The following CPM variants were observed in gnomAD, a reference collection of about 807,000 sequenced individuals.
CPM encodes the protein renal carboxypeptidase.
In CPM, 35 loss-of-function variants were observed where a neutral mutation model predicts 46.4. The observed-to-expected ratio is 0.75, with a 90% confidence interval of 0.58 to 1.00. The LOEUF is 1.00. Ranked by LOEUF, CPM falls within the 50% of genes least tolerant of loss-of-function variation. The pLI is 0.00. For synonymous variants in CPM, 195 were observed against 195.3 expected, an observed-to-expected ratio of 1.00 and a Z score of 0.01; for missense variants, 422 against 530.4, an observed-to-expected ratio of 0.80 and a Z score of 2.01.
At chr12:68,875,959 T>A (rs1885936542) in intron 3 of CPM, among the ~76,000 whole-genome samples, 1 of 152,162 alleles carries the variant, frequency 6.6e-6, no homozygotes, top group South Asian at 2.1e-4. Flanking sequence ...AGACATTTTA[T>A]TTTATATTCT....
chr12:68,933,051 C>A, intron 1 of CPM, 91 bp downstream of exon 1: 2 of 479,940 alleles, frequency 4.2e-6, no homozygotes, highest in Non-Finnish European at 7.4e-6. Context: ...TCGACCCAGC[C>A]GCCCGCGCCT....
chr12:68,847,448 C>CTT (rs1461223164), downstream of CPM: 4 of 66,772 alleles, frequency 6.0e-5, no homozygotes, highest in Non-Finnish European at 8.6e-5. Flanking sequence ...TTTGTATCTC[C>CTT]TTTCTTTTTT....
chr12:68,842,596 A>G (rs1209827165), intron 5 of CPM: 6 of 305,170 alleles, frequency 2.0e-5, no homozygotes, highest in Non-Finnish European at 3.2e-5. Context: ...GTTTGTAAAT[A>G]CAGAAGTGAA....
chr12:68,895,643 A>G (rs1266410306), intron 2 of CPM, among the ~76,000 whole-genome samples: 1 of 152,190 alleles, frequency 6.6e-6, no homozygotes, highest in Non-Finnish European at 1.5e-5. Flanking sequence ...TCCCAGAACC[A>G]TAAAATTTTG....
Position 68,870,264 on chromosome 12 carries a change from G to A in CPM, c.567C>T (p.Leu189=), listed in dbSNP as rs1010741458. 5.6e-6 allele frequency: 9 copies of A among 1,614,194 alleles called. No homozygotes were observed. The highest frequency in any genetic ancestry group is 7.6e-6 in the Non-Finnish European group (9 of 1,180,026). Residue 189 remains leucine, a synonymous_variant, in exon 5 of 9, where the codon CTC becomes CTT. Coordinates refer to ENST00000551568, the MANE Select transcript of CPM (RefSeq NM_198320.5). ...KTETFVLSAN[L]HGGALVASYP... is the part of the protein sequence containing the mutation. ...AACTGGCCACGAGGGCACCACCATG[G>A]AGGTTTGCAGAGAGGACAAACGTCT...
chr12:68,870,433 T>C (rs369332131), intron 4 of CPM, 34 bp from the exon 5 acceptor site: 20 of 1,583,166 alleles, frequency 1.3e-5, no homozygotes, highest in Non-Finnish European at 1.6e-5. Flanking sequence ...GGCTTATTGA[T>C]AGGGCATGAG....
intron 2 of CPM, 85 bp from the exon 3 acceptor site, chr12:68,885,974 G>C: frequency 8.9e-7 from 1 of 1,126,588 alleles, no homozygotes; most frequent in East Asian, 2.4e-5. Context: ...GAAACAGGAT[G>C]CTGCTTCCCC....
chr12:68,853,743 G>A lies in CPM; in HGVS notation c.*2694C>T. 6.6e-6 allele frequency: 1 copy of A among 151,926 alleles called. No individual in the cohort carries two copies. Among genetic ancestry groups the A allele is most frequent in the African/African-American group, 2.4e-5 (1 of 41,380 alleles). 9.4% of individuals were successfully genotyped at this position (151,926 alleles called of 1,614,324 possible). On this transcript the variant is annotated 3_prime_UTR_variant, in exon 9 of 9. Coordinates refer to ENST00000551568, the MANE Select transcript of CPM (RefSeq NM_198320.5). Reference sequence around the variant, plus strand: ...AAAAAAGAGAAAGAAGGATGGGAAGGGGAGGGAAGGGGAGGGGAGCGGAGG... The same window carrying A: ...AAAAAAGAGAAAGAAGGATGGGAAGAGGAGGGAAGGGGAGGGGAGCGGAGG...
rs762786001 is a variant in CPM at position 68,885,798 on chromosome 12, T to G, written c.252A>C (p.Gly84=). ...ATTCAAGCCACATACGTACCTCATC[T>G]CCATGCATATTTGCCACGTATTTGA... is the stretch of plus-strand genomic sequence containing the variant. ...PEFKYVANMH[G]DETVGRELLL... The change falls in exon 3 of 9, where the codon GGA becomes GGC. Residue 84 remains glycine, a synonymous_variant. Transcript: ENST00000551568. 27 of 1,613,474 alleles carry G rather than the reference T, an allele frequency of 1.7e-5. No homozygotes were observed. The highest frequency in any genetic ancestry group is 1.0e-4 in the Admixed American group (6 of 59,986).
At chr12:68,894,549 T>C (rs1592669897) in intron 2 of CPM, among the ~76,000 whole-genome samples, 2 of 152,244 alleles carry the variant, frequency 1.3e-5, no homozygotes, top group East Asian at 1.9e-4. Context: ...CTTATTTACA[T>C]TGTTTTAGCT....
intron 2 of CPM, among the ~76,000 whole-genome samples, chr12:68,893,730 C>T (rs1273496117): frequency 6.6e-6 from 1 of 152,172 alleles, no homozygotes; most frequent in Non-Finnish European, 1.5e-5. Context: ...CATTTGACTC[C>T]AACTTCTGCT....
chr12:68,895,819 C>T (rs1886850048), intron 2 of CPM, among the ~76,000 whole-genome samples: 1 of 152,164 alleles, frequency 6.6e-6, no homozygotes, highest in African/African-American at 2.4e-5. Flanking sequence ...GGTGGTGTGC[C>T]ATGAATACAC....
At chr12:68,910,095 T>C (rs1887532312) in intron 2 of CPM, among the ~76,000 whole-genome samples, 1 of 152,186 alleles carries the variant, frequency 6.6e-6, no homozygotes, top group Non-Finnish European at 1.5e-5. Context: ...CTTTTTGATT[T>C]AGTAGTGCCT....
At chr12:68,903,328 G>A (rs182152425) in intron 2 of CPM, among the ~76,000 whole-genome samples, 13 of 152,086 alleles carry the variant, frequency 8.5e-5, no homozygotes, top group Admixed American at 7.9e-4. Flanking sequence ...TCTCATACCC[G>A]TAAACTGTAG....
intron 8 of CPM, among the ~76,000 whole-genome samples, chr12:68,856,886 C>G (rs1279776968): frequency 6.6e-6 from 1 of 152,110 alleles, no homozygotes; most frequent in Non-Finnish European, 1.5e-5. Flanking sequence ...AATGCTGTTG[C>G]CAAGAATTAC....
chr12:68,850,634 T>G (rs766475614), downstream of CPM: 4 of 152,234 alleles, frequency 2.6e-5, no homozygotes, highest in South Asian at 2.1e-4. Context: ...ACCACTGTTC[T>G]CTGTATTTCA....
At chr12:68,845,495 T>G (rs928540223) in intron 5 of CPM, 9 of 201,268 alleles carry the variant, frequency 4.5e-5, no homozygotes, top group African/African-American at 9.2e-5. Context: ...TACTCAAATA[T>G]TTAACGTTAG....
chr12:68,962,211 A>C (rs796102395), intron 1 of CPM, among the ~76,000 whole-genome samples: 13 of 4,946 alleles, frequency 2.6e-3, no homozygotes, highest in Admixed American at 4.0e-3. Flanking sequence ...AAAAAAAAAA[A>C]AAAAAAACCA....
chr12:68,857,636 A>AATGGG (rs1885036343), intron 8 of CPM, among the ~76,000 whole-genome samples: 1 of 152,108 alleles, frequency 6.6e-6, no homozygotes, highest in Non-Finnish European at 1.5e-5. Context: ...GAAGGGAAAA[A>AATGGG]ATGGGGAATG....
Sources: allele counts gnomAD v4.1 joint callset (sites outside exome capture counted in the v4.1 genomes callset), GRCh38; gene constraint gnomAD v4.1.1; transcripts MANE v1.5; gene names NCBI Gene and HGNC (gene_info 2026-07-23, HGNC 2026-07-21).